SLC25A40: variants seen among roughly 807,000 people sequenced by gnomAD.
The protein encoded by SLC25A40 is mitochondrial glutathione transporter SLC25A40.
A neutral mutation model predicts 46.5 loss-of-function variants in SLC25A40; 41 were observed. The observed-to-expected ratio is 0.88, with a 90% CI of 0.69 to 1.14. The LOEUF is 1.14. Among genes scored for constraint, SLC25A40 ranks in the 50% most tolerant of loss-of-function variants. SLC25A40 has a pLI of 0.00. For synonymous variants in SLC25A40, 126 were observed against 127.5 expected (o/e 0.99, Z 0.08); for missense variants, 386 against 393.6 (o/e 0.98, Z 0.16).
intron 1 of SLC25A40, among the ~76,000 whole-genome samples, chr7:87,871,007 C>G (rs953459153): frequency 6.6e-6 from 1 of 152,162 alleles, no homozygotes; most frequent in Admixed American, 6.5e-5. Flanking sequence ...TCCTCTGGGG[C>G]TTCAGGGGTC....
At chr7:87,844,515 G>A (rs1838383151) in intron 8 of SLC25A40, among the ~76,000 whole-genome samples, 1 of 152,044 alleles carries the variant, frequency 6.6e-6, no homozygotes, top group South Asian at 2.1e-4. Flanking sequence ...GAAAAATGAT[G>A]GGGATGTTCA....
intron 9 of SLC25A40, among the ~76,000 whole-genome samples, chr7:87,843,200 C>A (rs1838359841): frequency 6.6e-6 from 1 of 152,006 alleles, no homozygotes; most frequent in Non-Finnish European, 1.5e-5. Flanking sequence ...TATAAATCTG[C>A]ATAATGAAAG....
intron 1 of SLC25A40, among the ~76,000 whole-genome samples, chr7:87,872,787 C>A (rs1191681093): frequency 6.6e-6 from 1 of 152,134 alleles, no homozygotes; most frequent in African/African-American, 2.4e-5. Flanking sequence ...CACAGTGAAA[C>A]CCTGTCTCTA....
Position 87,836,752 on chromosome 7 carries a change from AT to A in SLC25A40, c.881del (p.Asn294MetfsTer10). 2 of 1,549,792 alleles carry A rather than the reference AT, an allele frequency of 1.3e-6. No individual in the cohort carries two copies. Among genetic ancestry groups the A allele is most frequent in the Non-Finnish European group, 1.7e-6 (2 of 1,151,878 alleles). On this transcript the variant is annotated frameshift_variant, in exon 11 of 12. Transcript: ENST00000341119. LOFTEE classifies it high-confidence loss of function. ...WIIMKNIVAKNGFSGLFSGLI... is the reference protein window; with the variant it reads ...WIIMKNIVAKXGFSGLFSGLI... ...TACCTGAAAATAATCCGGAAAATCC[AT>A]TTTTAGCAACAATGTTCTTCATTAT...
intron 1 of SLC25A40, among the ~76,000 whole-genome samples, chr7:87,869,784 T>C (rs1838867339): frequency 6.6e-6 from 1 of 152,234 alleles, no homozygotes; most frequent in African/African-American, 2.4e-5. Flanking sequence ...ATAAAGCAAC[T>C]ATGATTATCT....
At chr7:87,836,850 C>T in intron 10 of SLC25A40, 40 bp from the exon 11 acceptor site, 1 of 1,216,470 alleles carries the variant, frequency 8.2e-7, no homozygotes, top group Non-Finnish European at 1.1e-6. Context: ...TTATAAATAA[C>T]AATTTAATAA....
chr7:87,843,783 TG>T lies in SLC25A40; in HGVS notation c.711del (p.Asn238ThrfsTer21). The T allele has an allele frequency of 6.2e-7, 1 of 1,610,734 alleles. No individual in the cohort carries two copies. Among genetic ancestry groups the T allele is most frequent in the Non-Finnish European group, 8.5e-7 (1 of 1,177,904 alleles). On this transcript the variant is annotated frameshift_variant, in exon 9 of 12. Coordinates refer to ENST00000341119, the MANE Select transcript of SLC25A40 (RefSeq NM_018843.4). LOFTEE classifies it high-confidence loss of function. ...CCAGACAATGCCCCTGAAGTAAAGT[TG>T]ATCATAAATGTTGGCTCATATAAAC... ...KSGLYEPTFM[I>X]NFTSGALSGS...
intron 11 of SLC25A40, 117 bp from the exon 12 acceptor site, chr7:87,836,478 A>C: frequency 3.0e-6 from 2 of 668,030 alleles, no homozygotes; most frequent in African/African-American, 3.8e-5. Context: ...ATATGTTCAA[A>C]TCCATAAATT....
chr7:87,854,262 C>A lies in SLC25A40; in HGVS notation c.206G>T (p.Cys69Phe). The change falls in exon 5 of 12, where the codon TGT (cysteine) becomes TTT (phenylalanine). Residue 69 changes from cysteine (C) to phenylalanine (F), a missense_variant. By Grantham distance (205) the Cys-to-Phe change is radical. Coordinates refer to ENST00000341119, the MANE Select transcript of SLC25A40 (RefSeq NM_018843.4). Reference protein sequence around the residue: ...SNGLMDHLCVCEEGGNKLWYK... With the variant: ...SNGLMDHLCVFEEGGNKLWYK... ...CCATAGTTTGTTGCCTCCCTCTTCA[C>A]AGACACATAGATGATCCATGAGTCC... is the stretch of plus-strand genomic sequence containing the variant. 2 of 1,613,504 alleles carry A rather than the reference C, an allele frequency of 1.2e-6. No homozygotes were observed. The highest frequency in any genetic ancestry group is 4.5e-5 in the East Asian group (2 of 44,790).
At chr7:87,854,333 CCAA>C in intron 4 of SLC25A40, 23 bp from the exon 5 acceptor site, 6 of 1,346,548 alleles carry the variant, frequency 4.5e-6, no homozygotes, top group Non-Finnish European at 6.3e-6. Flanking sequence ...ATTCCAACAA[CCAA>C]CAATTACCTC....
chr7:87,842,393 T>C (rs1429433145), intron 9 of SLC25A40: 2 of 152,630 alleles, frequency 1.3e-5, no homozygotes, highest in East Asian at 3.8e-4. Context: ...TTAGATATGT[T>C]GTTGCAATAT....
At chr7:87,839,129 C>T (rs1412956822) in intron 10 of SLC25A40, among the ~76,000 whole-genome samples, 1 of 151,490 alleles carries the variant, frequency 6.6e-6, no homozygotes, top group Non-Finnish European at 1.5e-5. Context: ...AATACTCTTA[C>T]CATCATGGCA....
chr7:87,846,830 TG>T, intron 8 of SLC25A40, 118 bp downstream of exon 8: 3 of 686,024 alleles, frequency 4.4e-6, no homozygotes, highest in Non-Finnish European at 6.5e-6. Context: ...AAGGAGTTTG[TG>T]GTCACTATAG....
At chr7:87,859,846 C>A (rs1455775367) in intron 2 of SLC25A40, among the ~76,000 whole-genome samples, 2 of 151,992 alleles carry the variant, frequency 1.3e-5, no homozygotes, top group Non-Finnish European at 2.9e-5. Context: ...ATTTTTGTAA[C>A]CTTCCTACAA....
intron 3 of SLC25A40, among the ~76,000 whole-genome samples, chr7:87,858,254 T>G (rs190326083): frequency 2.0e-5 from 3 of 152,350 alleles, no homozygotes; most frequent in Admixed American, 6.5e-5. Context: ...TGATCTTTGC[T>G]GGACCCTTAT....
chr7:87,856,346 G>A lies in SLC25A40; in HGVS notation c.103C>T (p.Pro35Ser). 6.2e-7 allele frequency: 1 copy of A among 1,613,054 alleles called. No homozygotes were observed. The highest frequency in any genetic ancestry group is 8.5e-7 in the Non-Finnish European group (1 of 1,179,186). ...AGTCTAATTTTAACAACATCCAGGG[G>A]TGTCACTATGAAGATATGTTAAGTT... Reference protein sequence around the residue: ...GAILTSVIVTPLDVVKIRLQA... With the variant: ...GAILTSVIVTSLDVVKIRLQA... The change falls in exon 4 of 12, where the codon CCC becomes TCC. Residue 35 changes from proline (P) to serine (S), a missense_variant. Coordinates refer to ENST00000341119, the MANE Select transcript of SLC25A40 (RefSeq NM_018843.4).
intron 5 of SLC25A40, among the ~76,000 whole-genome samples, chr7:87,850,584 A>G (rs1838492468): frequency 6.6e-6 from 1 of 152,080 alleles, no homozygotes; most frequent in South Asian, 2.1e-4. Context: ...CCTGGGCAAT[A>G]TAGTTAGAAC....
chr7:87,838,540 C>A (rs1256831723), intron 10 of SLC25A40, among the ~76,000 whole-genome samples: 3 of 151,432 alleles, frequency 2.0e-5, no homozygotes, highest in African/African-American at 7.3e-5. Context: ...AAAATAAATG[C>A]TCATTTACTG....
intron 5 of SLC25A40, among the ~76,000 whole-genome samples, chr7:87,851,092 G>T (rs921557909): frequency 6.6e-6 from 1 of 152,108 alleles, no homozygotes; most frequent in Non-Finnish European, 1.5e-5. Context: ...TTCACATAAG[G>T]TTATATCCAA....
Sources: gnomAD v4.1 joint callset for allele counts (sites outside exome capture counted in the v4.1 genomes callset) on GRCh38, gnomAD v4.1.1 for gene constraint, MANE v1.5 for transcripts, NCBI Gene and HGNC (gene_info 2026-07-23, HGNC 2026-07-21) for gene names.